Variants in CPNE4 observed in about 807,000 individuals in gnomAD.
The protein encoded by CPNE4 is copine-4.
A neutral mutation model predicts 67.9 loss-of-function variants in CPNE4; 25 were observed. That is an observed-to-expected ratio of 0.37 (90% confidence interval 0.27 to 0.51). The LOEUF (loss-of-function observed/expected upper bound fraction) is 0.51. Among genes scored for constraint, CPNE4 ranks in the 20% least tolerant of loss-of-function variants. CPNE4 has a pLI of 0.93. For synonymous variants in CPNE4, 242 were observed against 244.9 expected (o/e 0.99, Z 0.11); for missense variants, 464 against 690.8 (o/e 0.67, Z 3.68).
chr3:131,932,604 C>T (rs1440247776), intron 1 of CPNE4, among the ~76,000 whole-genome samples: 1 of 151,890 alleles, frequency 6.6e-6, no homozygotes. Context: ...GAGGAAGGAA[C>T]ATTTAAGTTG....
intron 1 of CPNE4, among the ~76,000 whole-genome samples, chr3:131,978,099 A>G (rs1454786180): frequency 3.7e-5 from 2 of 54,204 alleles, no homozygotes; most frequent in African/African-American, 2.3e-4. Flanking sequence ...ATATATATAT[A>G]AATATATATA....
intron 2 of CPNE4, among the ~76,000 whole-genome samples, chr3:131,828,874 C>T (rs1489236433): frequency 1.3e-5 from 2 of 152,160 alleles, no homozygotes; most frequent in African/African-American, 4.8e-5. Flanking sequence ...ACTTCAGTCT[C>T]AGAGACAGGT....
rs980382176 is a variant in CPNE4, at chr3:131,718,821, A to C, written c.360+4625T>G. On this transcript the variant is annotated intron_variant, in intron 3 of 15. Coordinates refer to ENST00000429747, the MANE Select transcript of CPNE4 (RefSeq NM_130808.3). Reference sequence around the variant, plus strand: ...CAGCACCCAGCCAGGTATACTTGGCATATCCAGGGTGCTTGCTAAACGTTT... The same window carrying C: ...CAGCACCCAGCCAGGTATACTTGGCCTATCCAGGGTGCTTGCTAAACGTTT... Among the ~76,000 whole-genome samples, 3 of 152,238 alleles carry C rather than the reference A, an allele frequency of 2.0e-5. No homozygotes were observed. The East Asian group carries it at 5.8e-4, about 29-fold the overall frequency.
intron 1 of CPNE4, among the ~76,000 whole-genome samples, chr3:132,002,122 C>T (rs570593222): frequency 6.2e-4 from 94 of 152,290 alleles, no homozygotes; most frequent in African/African-American, 2.2e-3. Context: ...TCACCTCTGG[C>T]ACCCACACCC....
chr3:131,784,265 G>T (rs865824643), intron 2 of CPNE4, among the ~76,000 whole-genome samples: 1 of 151,912 alleles, frequency 6.6e-6, no homozygotes, highest in African/African-American at 2.4e-5. Context: ...GAGTGTTTCT[G>T]ACTATTATAA....
intron 7 of CPNE4, among the ~76,000 whole-genome samples, chr3:131,594,752 T>G (rs1055765379): frequency 6.6e-6 from 1 of 152,172 alleles, no homozygotes; most frequent in Non-Finnish European, 1.5e-5. Context: ...TCAACAGAAT[T>G]AACGGGCAAC....
At chr3:131,923,671 T>C (rs1225054) in intron 1 of CPNE4, among the ~76,000 whole-genome samples, 51,895 of 132,304 alleles carry the variant, frequency 0.39, 9,729 homozygotes, top group Middle Eastern at 0.46. Flanking sequence ...TGCCACTGCA[T>C]TCCAGCCTGG....
intron 2 of CPNE4, among the ~76,000 whole-genome samples, chr3:131,743,110 A>C (rs1352047749): frequency 6.6e-6 from 1 of 152,232 alleles, no homozygotes; most frequent in Admixed American, 6.6e-5. Context: ...TAGCAGTCTG[A>C]TTATAGATAA....
chr3:131,942,463 T>TGTGTGAGAGAGAGAGAGA (rs2071424814), intron 1 of CPNE4, among the ~76,000 whole-genome samples: 1 of 70,748 alleles, frequency 1.4e-5, no homozygotes, highest in African/African-American at 5.0e-5. Flanking sequence ...TGTGTGTGTG[T>TGTGTGAGAGAGAGAGAGA]GAGAGAGAGA....
At chr3:131,555,094 G>T (rs1403362860) in intron 12 of CPNE4, among the ~76,000 whole-genome samples, 2 of 151,990 alleles carry the variant, frequency 1.3e-5, no homozygotes, top group African/African-American at 4.8e-5. Flanking sequence ...TCGGAGACTT[G>T]GGATAAGAAA....
chr3:132,004,882 T>C (rs1227651388), intron 1 of CPNE4, among the ~76,000 whole-genome samples: 1 of 152,010 alleles, frequency 6.6e-6, no homozygotes, highest in African/African-American at 2.4e-5. Flanking sequence ...TTTCTATAAC[T>C]CAGAGGTAGA....
intron 1 of CPNE4, among the ~76,000 whole-genome samples, chr3:131,972,813 T>C (rs2072540345): frequency 6.6e-6 from 1 of 152,164 alleles, no homozygotes; most frequent in South Asian, 2.1e-4. Flanking sequence ...TCCTCCTCCA[T>C]AAATGGGAAG....
intron 2 of CPNE4, among the ~76,000 whole-genome samples, chr3:131,875,957 T>A (rs1283887692): frequency 4.6e-5 from 7 of 152,232 alleles, no homozygotes; most frequent in Non-Finnish European, 8.8e-5. Context: ...TAGGTTTTTG[T>A]TGGTTGGAAT....
intron 7 of CPNE4, among the ~76,000 whole-genome samples, chr3:131,597,026 C>T (rs1938920425): frequency 6.6e-6 from 1 of 152,100 alleles, no homozygotes; most frequent in Non-Finnish European, 1.5e-5. Context: ...ACTAAAATGC[C>T]AACATTTATT....
chr3:131,848,666 C>CAA (rs10565807), intron 2 of CPNE4, among the ~76,000 whole-genome samples: 116 of 139,996 alleles, frequency 8.3e-4, no homozygotes, highest in South Asian at 9.0e-4. Context: ...AATGTGCATC[C>CAA]AAAAAAAAAA....
chr3:131,562,482 T>A (rs1936823242), intron 11 of CPNE4, among the ~76,000 whole-genome samples: 1 of 152,078 alleles, frequency 6.6e-6, no homozygotes, highest in Admixed American at 6.6e-5. Context: ...TTGTGTTAAG[T>A]GCATTTACCT....
chr3:131,889,234 T>C (rs2088013610), intron 2 of CPNE4, among the ~76,000 whole-genome samples: 1 of 152,170 alleles, frequency 6.6e-6, no homozygotes, highest in Non-Finnish European at 1.5e-5. Flanking sequence ...GTTGAGACAT[T>C]TACAAAAGGT....
chr3:131,905,203 C>G, intron 2 of CPNE4, 61 bp downstream of exon 2: 1 of 1,428,482 alleles, frequency 7.0e-7, no homozygotes, highest in Non-Finnish European at 9.5e-7. Flanking sequence ...TATAAAATAT[C>G]AAAACATTTT....
intron 2 of CPNE4, among the ~76,000 whole-genome samples, chr3:131,824,827 G>A (rs774248819): frequency 6.6e-6 from 1 of 152,050 alleles, no homozygotes; most frequent in Non-Finnish European, 1.5e-5. Context: ...ATGGAGGCTT[G>A]GAGTGGACAG....
Sources: allele counts gnomAD v4.1 joint callset (sites outside exome capture counted in the v4.1 genomes callset), GRCh38; gene constraint gnomAD v4.1.1; transcripts MANE v1.5; gene names NCBI Gene and HGNC (gene_info 2026-07-23, HGNC 2026-07-21).